Variants in PHACTR2 observed in about 807,000 individuals in gnomAD.
PHACTR2 encodes the protein phosphatase and actin regulator 2.
Under a neutral mutation model 76.0 loss-of-function variants are expected in PHACTR2, and 30 were observed. That is an observed-to-expected ratio of 0.39 (90% CI 0.30 to 0.54). The LOEUF is 0.54. Among genes scored for constraint, PHACTR2 ranks in the 20% least tolerant of loss-of-function variants. The probability of loss-of-function intolerance (pLI) is 0.61; values close to 1 mark genes in which losing one functional copy is unlikely to be tolerated. For missense variants in PHACTR2, 696 were observed against 781.1 expected, an observed-to-expected ratio of 0.89 and a Z score of 1.30; for synonymous variants, 292 against 292.5, an observed-to-expected ratio of 1.00 and a Z score of 0.02.
Position 143,663,865 on chromosome 6 carries a change from C to T in PHACTR2, c.14-48151C>T, listed in dbSNP as rs983292251. On this transcript the variant is annotated intron_variant, in intron 1 of 11. Coordinates refer to the PHACTR2 transcript ENST00000305766. This position sits in a 1 kb window ranked among gnomAD's most constrained non-coding sequence, Gnocchi z 4.1. ...TATGATCTAGTGTTAAATCAATGTA[C>T]AGTTGCCATTTTCTTGAGTACAAGT... is the stretch of plus-strand genomic sequence containing the variant. Among the ~76,000 whole-genome samples, 6 of 152,024 alleles carry T rather than the reference C, an allele frequency of 3.9e-5. No individual in the cohort carries two copies. Among genetic ancestry groups the T allele is most frequent in the Non-Finnish European group, 8.8e-5 (6 of 67,982 alleles).
upstream of PHACTR2, among the ~76,000 whole-genome samples, chr6:143,605,527 C>T (rs993130247): frequency 5.3e-5 from 8 of 152,166 alleles, no homozygotes; most frequent in African/African-American, 1.7e-4. This position sits in a 1 kb window ranked among gnomAD's most constrained non-coding sequence, Gnocchi z 5.0. Context: ...TTGCATTGCC[C>T]TTCCTCTGAT....
At chr6:143,703,634 TTTACTC>T (rs1373650581) in intron 1 of PHACTR2, among the ~76,000 whole-genome samples, 3 of 152,192 alleles carry the variant, frequency 2.0e-5, no homozygotes, top group Non-Finnish European at 2.9e-5. Context: ...ATTCTGTTCT[TTTACTC>T]TTAGGGATTT....
rs879368903 is a variant in PHACTR2 at position 143,618,871 on chromosome 6, T to C, written c.13+10549T>C. ...ACACGTAGCAGATATACCATCATGC[T>C]GCTTCACGTGCTCCTCAAGAACAGG... On this transcript the variant is annotated intron_variant, in intron 1 of 11. Coordinates refer to the PHACTR2 transcript ENST00000305766. The surrounding 1 kb of genome is among the most constrained non-coding windows in gnomAD (Gnocchi z 5.2). Among the ~76,000 whole-genome samples, 1 of 152,086 alleles carries C rather than the reference T, an allele frequency of 6.6e-6. No homozygotes were observed. Among genetic ancestry groups the C allele is most frequent in the Non-Finnish European group, 1.5e-5 (1 of 68,040 alleles).
chr6:143,679,318 G>A lies in PHACTR2; in HGVS notation c.46+1109G>A, dbSNP rs528111476. Among the ~76,000 whole-genome samples, 1 of 152,168 alleles carries A rather than the reference G, an allele frequency of 6.6e-6. No homozygotes were observed. The highest frequency in any genetic ancestry group is 1.5e-5 in the Non-Finnish European group (1 of 68,024). ...TGTTAATACCACAGAAGACCCTTCT[G>A]CAAAGAAGAGACATCAGAATCAGAA... On this transcript the variant is annotated intron_variant, in intron 1 of 12. Coordinates refer to ENST00000440869, the MANE Select transcript of PHACTR2 (RefSeq NM_001100164.2). This position sits in a 1 kb window ranked among gnomAD's most constrained non-coding sequence, Gnocchi z 4.6.
At chr6:143,808,451 A>G (rs1776109833) in intron 12 of PHACTR2, among the ~76,000 whole-genome samples, 5 of 152,216 alleles carry the variant, frequency 3.3e-5, no homozygotes, top group Admixed American at 3.3e-4. Context: ...TAAAACAAAT[A>G]TAAAATAACA....
At chr6:143,719,805 G>A (rs1055184553) in intron 2 of PHACTR2, among the ~76,000 whole-genome samples, 1 of 136,706 alleles carries the variant, frequency 7.3e-6, no homozygotes, top group African/African-American at 2.9e-5. Context: ...CTTGCTTTGT[G>A]TTCGACACTT....
chr6:143,745,317 G>A (rs1779034623), intron 2 of PHACTR2, among the ~76,000 whole-genome samples: 1 of 152,186 alleles, frequency 6.6e-6, no homozygotes, highest in African/African-American at 2.4e-5. Flanking sequence ...AGAGAGCTTG[G>A]GTTAGATTGA....
At position 143,816,624 on chromosome 6, in the gene PHACTR2, A is replaced by T. The variant is rs544631577; in HGVS notation, c.1923-7050A>T. 6.6e-6 allele frequency among the ~76,000 whole-genome samples: 1 copy of T among 151,938 alleles called. No individual in the cohort carries two copies. Among genetic ancestry groups the T allele is most frequent in the Non-Finnish European group, 1.5e-5 (1 of 68,008 alleles). Reference sequence around the variant, plus strand: ...TGTGTTGGTGGCCTGTGACCTTCCAATGCAATCTAGACTGTGGAACTCACT... The same window carrying T: ...TGTGTTGGTGGCCTGTGACCTTCCATTGCAATCTAGACTGTGGAACTCACT... On this transcript the variant is annotated intron_variant, in intron 12 of 12. Coordinates refer to ENST00000440869, the MANE Select transcript of PHACTR2 (RefSeq NM_001100164.2). The surrounding 1 kb of genome is among the most constrained non-coding windows in gnomAD (Gnocchi z 4.5).
rs542389992 is a variant in PHACTR2 at position 143,592,909 on chromosome 6, A to G, written c.217+55702A>G. 3.9e-5 allele frequency among the ~76,000 whole-genome samples: 6 copies of G among 151,910 alleles called. No homozygotes were observed. Among genetic ancestry groups the G allele is most frequent in the Non-Finnish European group, 8.8e-5 (6 of 67,980 alleles). On this transcript the variant is annotated intron_variant, in intron 1 of 11. Transcript: ENST00000367584. The surrounding 1 kb of genome is among the most constrained non-coding windows in gnomAD (Gnocchi z 4.0). ...AAAAAATAAAAAAAAATAGCCGGAC[A>G]TGGTGACACACATCCCAGCTACTTG...
At chr6:143,575,265 T>C (rs768359036) in intron 1 of PHACTR2, among the ~76,000 whole-genome samples, 7 of 152,232 alleles carry the variant, frequency 4.6e-5, no homozygotes, top group Non-Finnish European at 8.8e-5. Context: ...TAGCTTTCTC[T>C]TTTACAAAAA....
At chr6:143,762,786 T>C (rs1400723627) in intron 5 of PHACTR2, among the ~76,000 whole-genome samples, 1 of 152,226 alleles carries the variant, frequency 6.6e-6, no homozygotes, top group Non-Finnish European at 1.5e-5. Context: ...TCAGCTTCTT[T>C]GCCAGAGAAA....
intron 7 of PHACTR2, among the ~76,000 whole-genome samples, chr6:143,773,505 C>G (rs1334274024): frequency 6.9e-6 from 1 of 144,456 alleles, no homozygotes; most frequent in African/African-American, 2.6e-5. Context: ...GGCACTTTTT[C>G]AAATCCCTTT....
At chr6:143,736,904 T>G (rs1163733922) in intron 2 of PHACTR2, among the ~76,000 whole-genome samples, 1 of 151,846 alleles carries the variant, frequency 6.6e-6, no homozygotes, top group African/African-American at 2.4e-5. Flanking sequence ...CTAACGTCTA[T>G]TCATGCTAGG....
rs1007007508 is a variant in PHACTR2, at chr6:143,571,455, G to C, written c.217+34248G>C. Among the ~76,000 whole-genome samples, 3 of 152,088 alleles carry C rather than the reference G, an allele frequency of 2.0e-5. No homozygotes were observed. Among genetic ancestry groups the C allele is most frequent in the Non-Finnish European group, 4.4e-5 (3 of 68,018 alleles). Reference sequence around the variant, plus strand: ...ACCCTCCAGCTCTGTCACCCAGGCTGGTGCAGTGGTGCAATCATAGCTCAC... The same window carrying C: ...ACCCTCCAGCTCTGTCACCCAGGCTCGTGCAGTGGTGCAATCATAGCTCAC... On this transcript the variant is annotated intron_variant, in intron 1 of 11. Coordinates refer to the PHACTR2 transcript ENST00000367584. This position sits in a 1 kb window ranked among gnomAD's most constrained non-coding sequence, Gnocchi z 4.6.
chr6:143,584,052 A>C (rs57003387), intron 1 of PHACTR2, among the ~76,000 whole-genome samples: 1,730 of 152,264 alleles, frequency 0.011, 27 homozygotes, highest in African/African-American at 0.04. Context: ...AGTTGCCTAT[A>C]TCCCTGTCTG....
At chr6:143,638,082 G>T (rs535299238) in intron 1 of PHACTR2, among the ~76,000 whole-genome samples, 2 of 152,320 alleles carry the variant, frequency 1.3e-5, no homozygotes, top group African/African-American at 4.8e-5. Context: ...CCAGAGCAAG[G>T]TTACAATAAT....
intron 1 of PHACTR2, among the ~76,000 whole-genome samples, chr6:143,707,358 A>G (rs989041020): frequency 1.3e-5 from 2 of 152,214 alleles, no homozygotes; most frequent in African/African-American, 4.8e-5. Context: ...CGACCTTCAG[A>G]TATTTAAGGA....
At position 143,589,248 on chromosome 6, in the gene PHACTR2, G is replaced by A. The variant is rs1402635459; in HGVS notation, c.217+52041G>A. Among the ~76,000 whole-genome samples the A allele has an allele frequency of 2.0e-5, 3 of 152,124 alleles. No individual in the cohort carries two copies. Among genetic ancestry groups the A allele is most frequent in the African/African-American group, 7.2e-5 (3 of 41,424 alleles). ...TTGTAATCTCCAGTGTTGGAGGAGG[G>A]GTCTGGTGGGAGGTGATTGGATCAT... On this transcript the variant is annotated intron_variant, in intron 1 of 11. Transcript: ENST00000367584. The surrounding 1 kb of genome is among the most constrained non-coding windows in gnomAD (Gnocchi z 4.4).
rs1471433208 is a variant in PHACTR2, at chr6:143,695,717, C to A, written c.47-16299C>A. ...AATCAAGAATCCTCTGGGACTTTGT[C>A]ATCTACATTGAATTTATAGGTGGTC... is the stretch of plus-strand genomic sequence containing the variant. On this transcript the variant is annotated intron_variant, in intron 1 of 12. Coordinates refer to ENST00000440869, the MANE Select transcript of PHACTR2 (RefSeq NM_001100164.2). The surrounding 1 kb of genome is among the most constrained non-coding windows in gnomAD (Gnocchi z 4.4). Among the ~76,000 whole-genome samples, 3 of 152,230 alleles carry A rather than the reference C, an allele frequency of 2.0e-5. No individual in the cohort carries two copies. The highest frequency in any genetic ancestry group is 2.9e-5 in the Non-Finnish European group (2 of 68,038).
Sources: allele counts gnomAD v4.1 joint callset (sites outside exome capture counted in the v4.1 genomes callset), GRCh38; gene constraint gnomAD v4.1.1; non-coding constraint Gnocchi (gnomAD v3.1); transcripts MANE v1.5; gene names NCBI Gene and HGNC (gene_info 2026-07-23, HGNC 2026-07-21).